The following FCRL6 variants were observed in gnomAD, a reference collection of about 807,000 sequenced individuals.
FCRL6 encodes Fc receptor like 6, also known as Fc receptor-like protein 6.
A neutral mutation model predicts 49.1 loss-of-function variants in FCRL6; 50 were observed. The ratio of observed to expected loss-of-function variants is 1.02; its 90% confidence interval spans 0.81 to 1.29. FCRL6 has a LOEUF of 1.29. FCRL6 is among the 50% of genes most tolerant of loss of function. The probability of loss-of-function intolerance (pLI) is 0.00; values close to 1 mark genes in which losing one functional copy is unlikely to be tolerated. For synonymous variants in FCRL6, 213 were observed against 199.6 expected, an observed-to-expected ratio of 1.07 and a Z score of -0.57; for missense variants, 571 against 518.5, an observed-to-expected ratio of 1.10 and a Z score of -0.98.
chr1:159,814,898 A>G (rs1663303715), intron 8 of FCRL6, among the ~76,000 whole-genome samples: 1 of 152,158 alleles, frequency 6.6e-6, no homozygotes, highest in Non-Finnish European at 1.5e-5. Context: ...GTACTTATTC[A>G]CTGTTGACTT....
Position 159,810,134 on chromosome 1 carries a change from T to G in FCRL6, c.927T>G (p.Val309=), listed in dbSNP as rs1446340778. 6.2e-7 allele frequency: 1 copy of G among 1,614,004 alleles called. No homozygotes were observed. The highest frequency in any genetic ancestry group is 2.2e-5 in the East Asian group (1 of 44,860). Reference sequence around the variant, plus strand: ...TCACTCCCGCCAGCAACTGGCTGGTTCCTTGGCTTCCTGCGAGCCTGCTTG... The same window carrying G: ...TCACTCCCGCCAGCAACTGGCTGGTGCCTTGGCTTCCTGCGAGCCTGCTTG... ...VLFTPASNWL[V]PWLPASLLGL... is the part of the protein sequence containing the mutation. Residue 309 remains valine, a synonymous_variant, in exon 6 of 10, where the codon GTT becomes GTG. Coordinates refer to ENST00000368106, the MANE Select transcript of FCRL6 (RefSeq NM_001004310.3).
chr1:159,814,321 C>A, intron 8 of FCRL6, 29 bp downstream of exon 8: 1 of 1,594,294 alleles, frequency 6.3e-7, no homozygotes, highest in South Asian at 1.1e-5. Flanking sequence ...AACTTGGTAC[C>A]TTTGCAAACA....
intron 1 of FCRL6, among the ~76,000 whole-genome samples, chr1:159,805,326 GAGGGTTTTCACCC>G (rs1428397762): frequency 6.6e-6 from 1 of 152,088 alleles, no homozygotes; most frequent in Non-Finnish European, 1.5e-5. Context: ...TCTGCTCTTA[GAGGGTTTTCACCC>G]ACCCTTCCCA....
intron 1 of FCRL6, among the ~76,000 whole-genome samples, chr1:159,804,962 G>C (rs1662582540): frequency 6.6e-6 from 1 of 152,108 alleles, no homozygotes; most frequent in South Asian, 2.1e-4. Flanking sequence ...CAACTACACT[G>C]TAAGAAAAAA....
At chr1:159,807,789 G>A (rs1662793723) in intron 2 of FCRL6, among the ~76,000 whole-genome samples, 1 of 152,026 alleles carries the variant, frequency 6.6e-6, no homozygotes, top group African/African-American at 2.4e-5. Flanking sequence ...GAGTCAGGAG[G>A]AATGAGGCAA....
chr1:159,809,454 T>A lies in FCRL6; in HGVS notation c.657T>A (p.Ala219=), dbSNP rs771449296. Residue 219 remains alanine (A), a synonymous_variant, in exon 5 of 10, where the codon GCT becomes GCA. Coordinates refer to ENST00000368106, the MANE Select transcript of FCRL6 (RefSeq NM_001004310.3). ...LTLHHGPADP[A]VGDMVQLLCE... is the part of the protein sequence containing the mutation. ...TGCACCACGGGCCTGCTGACCCTGC[T>A]GTGGGGGACATGGTGCAGCTCCTCT... is the stretch of plus-strand genomic sequence containing the variant. 3.7e-5 allele frequency: 60 copies of A among 1,613,686 alleles called. No homozygotes were observed. Among genetic ancestry groups the A allele is most frequent in the Non-Finnish European group, 4.2e-5 (50 of 1,179,792 alleles).
intron 4 of FCRL6, 78 bp from the exon 5 acceptor site, chr1:159,809,324 G>T (rs111638798): frequency 2.4e-5 from 36 of 1,527,798 alleles, no homozygotes; most frequent in Middle Eastern, 2.3e-4. Context: ...AAAGGAGTTG[G>T]GGGAAGGGTC....
At chr1:159,814,976 TG>T (rs1277163747) in intron 8 of FCRL6, among the ~76,000 whole-genome samples, 3 of 152,368 alleles carry the variant, frequency 2.0e-5, no homozygotes, top group South Asian at 4.1e-4. Context: ...GCAGGACTAC[TG>T]TAAGTTGTTA....
In FCRL6 at chr1:159,807,429, T is replaced by A. The variant is rs145457511; in HGVS notation, c.53-749T>A. Among the ~76,000 whole-genome samples, 43 of 152,344 alleles carry A rather than the reference T, an allele frequency of 2.8e-4. 1 individual carries two copies. In the Middle Eastern group the frequency reaches 0.01, roughly 36 times the overall value. On this transcript the variant is annotated intron_variant, in intron 2 of 9. Coordinates refer to ENST00000368106, the MANE Select transcript of FCRL6 (RefSeq NM_001004310.3). ...ATACAGGCTGGGGACAGATACAGAC[T>A]GGGGACAGGCTCAGCCTGCCCTGCA... is the stretch of plus-strand genomic sequence containing the variant.
chr1:159,814,538 C>A (rs1663275106), intron 8 of FCRL6, among the ~76,000 whole-genome samples: 1 of 152,208 alleles, frequency 6.6e-6, no homozygotes, highest in South Asian at 2.1e-4. Flanking sequence ...ACCACGCTCA[C>A]CACAAACACC....
chr1:159,806,712 C>T (rs1052762269), intron 2 of FCRL6, 96 bp downstream of exon 2: 14 of 1,245,534 alleles, frequency 1.1e-5, no homozygotes, highest in Non-Finnish European at 1.7e-5. Flanking sequence ...CCCCCAGAAA[C>T]ATCTGCAGAG....
intron 6 of FCRL6, among the ~76,000 whole-genome samples, chr1:159,811,320 A>G (rs930420442): frequency 6.6e-6 from 1 of 151,880 alleles, no homozygotes; most frequent in Non-Finnish European, 1.5e-5. Flanking sequence ...GTTCAAATCA[A>G]CCCCACTTCC....
intron 2 of FCRL6, among the ~76,000 whole-genome samples, chr1:159,807,812 A>T (rs1167433699): frequency 6.6e-6 from 1 of 152,156 alleles, no homozygotes; most frequent in Non-Finnish European, 1.5e-5. Flanking sequence ...CAATGAACAG[A>T]ATGAATGCAA....
intron 6 of FCRL6, 92 bp from the exon 7 acceptor site, chr1:159,813,397 C>T: frequency 9.0e-7 from 1 of 1,114,656 alleles, no homozygotes; most frequent in South Asian, 1.3e-5. Context: ...CCTCCAGCGG[C>T]CTCCTTGTCA....
chr1:159,810,177 G>T lies in FCRL6; in HGVS notation c.970G>T (p.Ala324Ser). 1 of 1,613,760 alleles carries T rather than the reference G, an allele frequency of 6.2e-7. No homozygotes were observed. The highest frequency in any genetic ancestry group is 1.3e-5 in the African/African-American group (1 of 75,010). ...ASLLGLMVIA[A>S]ALLVYVRSWR... Reference sequence around the variant, plus strand: ...CCTGCTTGGCCTGATGGTTATTGCTGCTGCACTTCTGGTTTATGTGAGATC... The same window carrying T: ...CCTGCTTGGCCTGATGGTTATTGCTTCTGCACTTCTGGTTTATGTGAGATC... Residue 324 changes from alanine (A) to serine (S), a missense_variant, in exon 6 of 10, where the codon GCT becomes TCT. Physicochemically the swap from Ala to Ser is moderately conservative, Grantham distance 99 (BLOSUM62 1). Transcript: ENST00000368106.
At position 159,810,148 on chromosome 1, in the gene FCRL6, C is replaced by T. The variant is rs199656181; in HGVS notation, c.941C>T (p.Ala314Val). 5.5e-4 allele frequency: 887 copies of T among 1,613,952 alleles called. 8 individuals are homozygous for T. The highest frequency in any genetic ancestry group is 1.7e-4 in the Non-Finnish European group (206 of 1,179,944). ...ASNWLVPWLP[A>V]SLLGLMVIAA... Reference sequence around the variant, plus strand: ...AACTGGCTGGTTCCTTGGCTTCCTGCGAGCCTGCTTGGCCTGATGGTTATT... The same window carrying T: ...AACTGGCTGGTTCCTTGGCTTCCTGTGAGCCTGCTTGGCCTGATGGTTATT... Residue 314 changes from alanine to valine, a missense_variant, in exon 6 of 10, where the codon GCG (alanine) becomes GTG (valine). Coordinates refer to ENST00000368106, the MANE Select transcript of FCRL6 (RefSeq NM_001004310.3).
At position 159,810,218 on chromosome 1, in the gene FCRL6, T is replaced by A; in HGVS notation, c.1009+2T>A. 6.2e-7 allele frequency: 1 copy of A among 1,611,362 alleles called. No individual in the cohort carries two copies. Among genetic ancestry groups the A allele is most frequent in the Non-Finnish European group, 8.5e-7 (1 of 1,178,654 alleles). On this transcript the variant is annotated splice_donor_variant, in intron 6 of 9. Transcript: ENST00000368106. LOFTEE classifies it high-confidence loss of function. ...ATGTGAGATCCTGGAGAAAAGCTGG[T>A]CAGTAACTCCTCTTGGCTTTCTTAG...
At chr1:159,800,886 C>T (rs1475594404), upstream of FCRL6, among the ~76,000 whole-genome samples, 2 of 152,158 alleles carry the variant, frequency 1.3e-5, no homozygotes, top group African/African-American at 4.8e-5. Flanking sequence ...CTTAGCCAGG[C>T]ATGGTGGTGC....
intron 3 of FCRL6, 45 bp downstream of exon 3, chr1:159,808,489 A>C (rs1209471228): frequency 6.2e-7 from 1 of 1,611,346 alleles, no homozygotes; most frequent in Non-Finnish European, 8.5e-7. Context: ...GGTGCTGCTC[A>C]AGGGTCCCGT....
Sources: allele counts gnomAD v4.1 joint callset (sites outside exome capture counted in the v4.1 genomes callset), GRCh38; gene constraint gnomAD v4.1.1; transcripts MANE v1.5; gene names NCBI Gene and HGNC (gene_info 2026-07-23, HGNC 2026-07-21).